Variants in RABEP2 observed in about 807,000 individuals in gnomAD.
RABEP2 encodes the protein rab GTPase-binding effector protein 2.
Under a neutral mutation model 74.1 loss-of-function variants are expected in RABEP2, and 57 were observed. The ratio of observed to expected loss-of-function variants is 0.77; its 90% CI spans 0.62 to 0.96. The LOEUF is 0.96. RABEP2 is among the 40% of genes least tolerant of loss of function. The pLI is 0.00. For missense variants in RABEP2, 692 were observed against 756.3 expected (o/e 0.91, Z 1.00); for synonymous variants, 351 against 344.0 (o/e 1.02, Z -0.23).
chr16:28,923,916 G>C (rs1298802184), intron 2 of RABEP2: 3 of 169,202 alleles, frequency 1.8e-5, no homozygotes, highest in African/African-American at 7.2e-5. Context: ...GGGCGTCTGG[G>C]GCCAGAGGAC....
chr16:28,914,475 G>A lies in RABEP2; in HGVS notation c.655C>T (p.Pro219Ser). The change falls in exon 5 of 13, where the codon CCA (proline) becomes TCA (serine). Residue 219 changes from proline to serine, a missense_variant. Pro to Ser is a moderately conservative substitution (Grantham distance 74). Transcript: ENST00000358201. ...TTGTGAGCGAAGGCCTCAGCGGCTG[G>A]ACCCCCATCTCCGCTCAGCTCCTCC... Reference protein sequence around the residue: ...PLEELSGDGGPAAEAFAHNCD... With the variant: ...PLEELSGDGGSAAEAFAHNCD... The A allele has an allele frequency of 1.2e-6, 2 of 1,613,346 alleles. No homozygotes were observed. Among genetic ancestry groups the A allele is most frequent in the East Asian group, 2.2e-5 (1 of 44,876 alleles).
chr16:28,910,775 A>G (rs1596697131), intron 7 of RABEP2, 113 bp downstream of exon 7: 1 of 931,256 alleles, frequency 1.1e-6, no homozygotes, highest in Non-Finnish European at 1.6e-6. Flanking sequence ...GTGTGGCCTG[A>G]GCAGCTGGGG....
At chr16:28,924,382 T>C (rs1483519402) in intron 2 of RABEP2, 21 bp downstream of exon 2, 2 of 1,598,572 alleles carry the variant, frequency 1.3e-6, no homozygotes, top group African/African-American at 1.3e-5. Context: ...ATGGGGAGTC[T>C]AGGTGAGTCC....
At chr16:28,911,395 G>A (rs1324851170) in intron 5 of RABEP2, among the ~76,000 whole-genome samples, 1 of 152,152 alleles carries the variant, frequency 6.6e-6, no homozygotes. Flanking sequence ...GTGGAGTGGG[G>A]TCACGCCTGT....
At chr16:28,905,590 C>G in intron 11 of RABEP2, 77 bp from the exon 12 acceptor site, 1 of 1,557,708 alleles carries the variant, frequency 6.4e-7, no homozygotes, top group Non-Finnish European at 8.8e-7. Context: ...CCAGCCGTTG[C>G]CCCAGGGCTT....
At chr16:28,924,270 G>C in intron 2 of RABEP2, 133 bp downstream of exon 2, 1 of 834,960 alleles carries the variant, frequency 1.2e-6, no homozygotes, top group Non-Finnish European at 1.9e-6. Flanking sequence ...CCTTCCTCTG[G>C]GCCATAGGCA....
At chr16:28,912,281 T>A (rs1260612905) in intron 5 of RABEP2, among the ~76,000 whole-genome samples, 1 of 151,784 alleles carries the variant, frequency 6.6e-6, no homozygotes, top group African/African-American at 2.4e-5. Flanking sequence ...ATCCACCCAT[T>A]TCTTCCTGTC....
chr16:28,914,636 C>T, intron 4 of RABEP2, 36 bp downstream of exon 4: 1 of 1,611,428 alleles, frequency 6.2e-7, no homozygotes. Flanking sequence ...CCTCTGGCAC[C>T]CCTCCTTCCC....
At chr16:28,910,785 G>C in intron 7 of RABEP2, 103 bp downstream of exon 7, 1 of 1,018,854 alleles carries the variant, frequency 9.8e-7, no homozygotes, top group Non-Finnish European at 1.5e-6. Flanking sequence ...AGCAGCTGGG[G>C]ACAGGACAGG....
intron 2 of RABEP2, among the ~76,000 whole-genome samples, chr16:28,923,658 C>T (rs1964496942): frequency 6.6e-6 from 1 of 152,150 alleles, no homozygotes; most frequent in Admixed American, 6.6e-5. Flanking sequence ...AAGTCTCCAG[C>T]CACCAGCAGC....
intron 2 of RABEP2, among the ~76,000 whole-genome samples, chr16:28,920,725 G>A (rs1195974312): frequency 2.6e-5 from 4 of 151,754 alleles, no homozygotes; most frequent in African/African-American, 9.7e-5. Flanking sequence ...AAGTTCTAGG[G>A]TACATGTGCA....
In RABEP2 at chr16:28,914,478, C is replaced by T. The variant is rs1431832784; in HGVS notation, c.652G>A (p.Gly218Ser). ...TGAGCGAAGGCCTCAGCGGCTGGAC[C>T]CCCATCTCCGCTCAGCTCCTCCAGA... is the stretch of plus-strand genomic sequence containing the variant. The part of the protein sequence containing the change: ...EPLEELSGDG[G>S]PAAEAFAHNC... The change falls in exon 5 of 13, where the codon GGT becomes AGT. Residue 218 changes from glycine (G) to serine (S), a missense_variant. Coordinates refer to ENST00000358201, the MANE Select transcript of RABEP2 (RefSeq NM_024816.3). 1.2e-6 allele frequency: 2 copies of T among 1,613,268 alleles called. No homozygotes were observed. The highest frequency in any genetic ancestry group is 4.5e-5 in the East Asian group (2 of 44,884).
chr16:28,904,834 A>T lies in RABEP2; in HGVS notation c.*109T>A. 1.2e-6 allele frequency: 1 copy of T among 846,160 alleles called. No homozygotes were observed. The highest frequency in any genetic ancestry group is 1.8e-6 in the Non-Finnish European group (1 of 546,942). The allele number at this position is 846,160 out of a possible 1,614,324, so 52.4% of individuals were successfully genotyped here. On this transcript the variant is annotated 3_prime_UTR_variant, in exon 13 of 13. Transcript: ENST00000358201. ...GGCCCCCGTCAGTCCCCTCAACCCC[A>T]GTCTCAGGGACGGTGGAAAAGCCAT...
At chr16:28,905,798 C>T (rs1260255934) in intron 10 of RABEP2, 39 bp from the exon 11 acceptor site, 2 of 1,613,970 alleles carry the variant, frequency 1.2e-6, no homozygotes, top group Admixed American at 3.3e-5. Flanking sequence ...AGGGCCATGC[C>T]CTCTCCCTTT....
At chr16:28,909,557 T>C (rs1446634371) in intron 7 of RABEP2, among the ~76,000 whole-genome samples, 1 of 151,370 alleles carries the variant, frequency 6.6e-6, no homozygotes, top group Non-Finnish European at 1.5e-5. Context: ...TACAAAAAAA[T>C]TTACAAATTA....
At chr16:28,907,002 A>G (rs1380527751) in intron 8 of RABEP2, among the ~76,000 whole-genome samples, 1 of 152,062 alleles carries the variant, frequency 6.6e-6, no homozygotes, top group Non-Finnish European at 1.5e-5. Context: ...GTAAAGCTCA[A>G]GAACAATGAA....
intron 2 of RABEP2, 26 bp from the exon 3 acceptor site, chr16:28,919,969 G>A: frequency 1.3e-6 from 2 of 1,549,830 alleles, no homozygotes; most frequent in Non-Finnish European, 8.8e-7. Context: ...GAGGGTGGGA[G>A]AGAGGGAGGG....
chr16:28,925,092 C>T lies in RABEP2; in HGVS notation c.61+11G>A, dbSNP rs772997933. The T allele has an allele frequency of 1.3e-6, 2 of 1,547,400 alleles. No individual in the cohort carries two copies. The highest frequency in any genetic ancestry group is 2.3e-5 in the South Asian group (2 of 85,110). On this transcript the variant is annotated intron_variant, in intron 1 of 12. Transcript: ENST00000358201. Reference sequence around the variant, plus strand: ...ACCGTTCCCCGCTTGCACGGACGCCCCCTCACGTACCAGCCCCCGGCCGCC... The same window carrying T: ...ACCGTTCCCCGCTTGCACGGACGCCTCCTCACGTACCAGCCCCCGGCCGCC...
At position 28,910,046 on chromosome 16, in the gene RABEP2, A is replaced by T. The variant is rs1298446018; in HGVS notation, c.1089+842T>A. 4.0e-5 allele frequency among the ~76,000 whole-genome samples: 6 copies of T among 151,606 alleles called. No homozygotes were observed. The East Asian group carries it at 1.2e-3, about 29-fold the overall frequency. On this transcript the variant is annotated intron_variant, in intron 7 of 12. Coordinates refer to ENST00000358201, the MANE Select transcript of RABEP2 (RefSeq NM_024816.3). ...TCCGTCTCAAAAAAAAAAAAAAAAAAAAAAATAGGAGACAATACACAAATA... is the reference window on the plus strand; with the variant it reads ...TCCGTCTCAAAAAAAAAAAAAAAAATAAAAATAGGAGACAATACACAAATA...
Sources: allele counts gnomAD v4.1 joint callset (sites outside exome capture counted in the v4.1 genomes callset), GRCh38; gene constraint gnomAD v4.1.1; transcripts MANE v1.5; gene names NCBI Gene and HGNC (gene_info 2026-07-23, HGNC 2026-07-21).